Variants in CNTLN observed in about 807,000 individuals in gnomAD.
The protein encoded by CNTLN is centlein.
In CNTLN, 212 loss-of-function variants were observed where a neutral mutation model predicts 180.0. The ratio of observed to expected loss-of-function variants is 1.18; its 90% CI spans 1.05 to 1.32. The LOEUF is 1.32. Among genes scored for constraint, CNTLN ranks in the 40% most tolerant of loss-of-function variants. The pLI is 0.00. For synonymous variants in CNTLN, 722 were observed against 563.1 expected (o/e 1.28, Z -3.99); for missense variants, 2,095 against 1,610.9 (o/e 1.30, Z -5.14).
chr9:17,181,777 C>T (rs576488944), intron 2 of CNTLN, among the ~76,000 whole-genome samples: 1 of 152,330 alleles, frequency 6.6e-6, no homozygotes, highest in South Asian at 2.1e-4. Context: ...GAATATGATG[C>T]TCTTTTTTAT....
chr9:17,488,449 A>G (rs1156429940), intron 25 of CNTLN, among the ~76,000 whole-genome samples: 2 of 152,184 alleles, frequency 1.3e-5, no homozygotes, highest in Admixed American at 6.5e-5. Context: ...AATGATAAAA[A>G]TAAACTTTTT....
At chr9:17,150,509 T>C (rs1274972015) in intron 2 of CNTLN, among the ~76,000 whole-genome samples, 1 of 152,220 alleles carries the variant, frequency 6.6e-6, no homozygotes, top group Non-Finnish European at 1.5e-5. Flanking sequence ...CATTGGTCTA[T>C]ATATCTGTTT....
chr9:17,491,849 C>T (rs1306502412), intron 25 of CNTLN, among the ~76,000 whole-genome samples: 2 of 152,128 alleles, frequency 1.3e-5, no homozygotes, highest in African/African-American at 4.8e-5. Flanking sequence ...GAATGCCTTG[C>T]AGTGTGGCAG....
chr9:17,329,738 C>G (rs967422696), intron 8 of CNTLN, among the ~76,000 whole-genome samples: 13 of 151,268 alleles, frequency 8.6e-5, no homozygotes, highest in Non-Finnish European at 1.8e-4. Flanking sequence ...ATATATTTTT[C>G]TCATAGTACT....
chr9:17,338,436 G>C (rs1821224655), intron 10 of CNTLN, among the ~76,000 whole-genome samples: 1 of 143,940 alleles, frequency 6.9e-6, no homozygotes, highest in South Asian at 2.2e-4. Flanking sequence ...GCCTCCCAAA[G>C]TGCTGAGATT....
intron 2 of CNTLN, among the ~76,000 whole-genome samples, chr9:17,189,593 C>T (rs1216484307): frequency 1.3e-5 from 2 of 151,626 alleles, no homozygotes; most frequent in African/African-American, 2.4e-5. Flanking sequence ...AAGCGATTCT[C>T]CTGTCTCATC....
chr9:17,195,664 G>C (rs1822083846), intron 2 of CNTLN, among the ~76,000 whole-genome samples: 1 of 152,178 alleles, frequency 6.6e-6, no homozygotes, highest in Non-Finnish European at 1.5e-5. Flanking sequence ...AGCGTGCCTG[G>C]AGAGAGAATC....
At chr9:17,189,100 T>TTTTTTA (rs1821627358) in intron 2 of CNTLN, among the ~76,000 whole-genome samples, 1 of 142,288 alleles carries the variant, frequency 7.0e-6, no homozygotes, top group Non-Finnish European at 1.5e-5. Flanking sequence ...TTTTTTTTTT[T>TTTTTTA]GAGATGGAGC....
At chr9:17,268,246 C>G (rs1563940296) in intron 5 of CNTLN, among the ~76,000 whole-genome samples, 1 of 152,134 alleles carries the variant, frequency 6.6e-6, no homozygotes, top group Non-Finnish European at 1.5e-5. Context: ...GTTAGTTTTC[C>G]TTCTATCAGA....
At position 17,140,519 on chromosome 9, in the gene CNTLN, T is replaced by C. The variant is rs182518951; in HGVS notation, c.361-2769T>C. On this transcript the variant is annotated intron_variant, in intron 1 of 25. Transcript: ENST00000380647. Reference sequence around the variant, plus strand: ...ATGGTTTCATGATCATGGCTCATTCTAGCCTTGACCTCCCGGGCTCAGCAA... The same window carrying C: ...ATGGTTTCATGATCATGGCTCATTCCAGCCTTGACCTCCCGGGCTCAGCAA... Among the ~76,000 whole-genome samples the C allele has an allele frequency of 1.6e-4, 24 of 152,292 alleles. No individual in the cohort carries two copies. The East Asian group carries it at 4.6e-3, about 29-fold the overall frequency.
chr9:17,407,877 G>A (rs1445591326), intron 15 of CNTLN, among the ~76,000 whole-genome samples: 1 of 152,078 alleles, frequency 6.6e-6, no homozygotes, highest in Non-Finnish European at 1.5e-5. Context: ...TGTAATCCCA[G>A]CACTTTGGGA....
Position 17,248,776 on chromosome 9 carries a change from C to A in CNTLN, c.849+12188C>A, listed in dbSNP as rs370786626. On this transcript the variant is annotated intron_variant, in intron 5 of 25. Transcript: ENST00000380647. ...TTAGCATTATGCAAACCTGAACGGACCAGTAATGAGTAGCAAGATTGAGTC... is the reference window on the plus strand; with the variant it reads ...TTAGCATTATGCAAACCTGAACGGAACAGTAATGAGTAGCAAGATTGAGTC... Among the ~76,000 whole-genome samples the A allele has an allele frequency of 4.4e-4, 66 of 151,452 alleles. 1 individual carries two copies. In the South Asian group the frequency reaches 0.012, roughly 28 times the overall value.
At chr9:17,215,755 G>C (rs1823703924) in intron 2 of CNTLN, among the ~76,000 whole-genome samples, 1 of 152,110 alleles carries the variant, frequency 6.6e-6, no homozygotes, top group Admixed American at 6.6e-5. Flanking sequence ...GCAATGGTGG[G>C]CACCCCTTCT....
At chr9:17,309,423 C>G (rs1818969870) in intron 8 of CNTLN, among the ~76,000 whole-genome samples, 171 bp downstream of exon 8, 1 of 152,034 alleles carries the variant, frequency 6.6e-6, no homozygotes, top group Non-Finnish European at 1.5e-5. Context: ...ATGAATATTA[C>G]ATACAATACA....
chr9:17,408,845 G>GTA (rs1172060739), intron 15 of CNTLN, among the ~76,000 whole-genome samples: 1 of 150,500 alleles, frequency 6.6e-6, no homozygotes, highest in African/African-American at 2.4e-5. Flanking sequence ...TGCTTAAGAA[G>GTA]TATTTTATTC....
At chr9:17,309,029 A>G (rs1818941811) in intron 7 of CNTLN, 29 bp from the exon 8 acceptor site, 6 of 1,415,774 alleles carry the variant, frequency 4.2e-6, no homozygotes, top group Non-Finnish European at 5.7e-6. Context: ...TTGATTATTA[A>G]TATAATTTGG....
chr9:17,272,022 C>T (rs2077950873), intron 5 of CNTLN, among the ~76,000 whole-genome samples: 1 of 148,526 alleles, frequency 6.7e-6, no homozygotes, highest in South Asian at 2.1e-4. Flanking sequence ...CCCCTCCCTC[C>T]CTCCCTTCCT....
chr9:17,367,881 C>G (rs183010237), intron 13 of CNTLN, among the ~76,000 whole-genome samples: 32 of 151,114 alleles, frequency 2.1e-4, no homozygotes. Context: ...GGCTGAGACT[C>G]TGAGATGTGC....
intron 23 of CNTLN, among the ~76,000 whole-genome samples, chr9:17,467,438 A>G (rs560907172): frequency 1.3e-5 from 2 of 151,808 alleles, no homozygotes; most frequent in East Asian, 3.9e-4. Flanking sequence ...ATAGAAGTTA[A>G]TAACATTTTA....
Sources: allele counts gnomAD v4.1 joint callset (sites outside exome capture counted in the v4.1 genomes callset), GRCh38; gene constraint gnomAD v4.1.1; transcripts MANE v1.5; gene names NCBI Gene and HGNC (gene_info 2026-07-23, HGNC 2026-07-21).